Variants in PTPRD observed in about 807,000 individuals in gnomAD.
PTPRD encodes the protein protein tyrosine phosphatase receptor type D, also known as receptor-type tyrosine-protein phosphatase delta.
A neutral mutation model predicts 214.5 loss-of-function variants in PTPRD; 34 were observed. That is an observed-to-expected ratio of 0.16 (90% confidence interval 0.12 to 0.21). The LOEUF is 0.21. Ranked by LOEUF, PTPRD falls within the 10% of genes least tolerant of loss-of-function variation. The pLI, the probability that PTPRD is intolerant of heterozygous loss-of-function variation, is 1.00. For synonymous variants in PTPRD, 1,128 were observed against 845.7 expected, an observed-to-expected ratio of 1.33 and a Z score of -5.79; for missense variants, 2,545 against 2,398.7, an observed-to-expected ratio of 1.06 and a Z score of -1.27.
rs370845607 is a variant in PTPRD, at chr9:9,936,345, T to C, written c.-368+2162A>G. Reference sequence around the variant, plus strand: ...ACCTACTCATCTGACAAAGGGCTAATATCCAGAATCTACAATGAACTCAAA... The same window carrying C: ...ACCTACTCATCTGACAAAGGGCTAACATCCAGAATCTACAATGAACTCAAA... On this transcript the variant is annotated intron_variant, in intron 5 of 45. Transcript: ENST00000381196. Among the ~76,000 whole-genome samples the C allele has an allele frequency of 7.9e-5, 12 of 151,868 alleles. No individual in the cohort carries two copies. In the East Asian group the frequency reaches 9.8e-4, roughly 12 times the overall value.
Position 10,482,515 on chromosome 9 carries a change from A to G in PTPRD, c.-600+129883T>C, listed in dbSNP as rs2099107385. Among the ~76,000 whole-genome samples the G allele has an allele frequency of 4.0e-5, 5 of 126,538 alleles. No individual in the cohort carries two copies. The South Asian group carries it at 1.1e-3, about 27-fold the overall frequency. 83.0% of individuals were successfully genotyped at this position (126,538 alleles called of 152,430 possible). A position where few individuals can be genotyped will look rare whatever the true frequency, so the allele number is the denominator to read the frequency against. On this transcript the variant is annotated intron_variant, in intron 2 of 45. Transcript: ENST00000381196. ...TTTGCCAATGATATGATCTTATCTT[A>G]GAAAACCCTAAAAGACCCCTCCAAA... is the stretch of plus-strand genomic sequence containing the variant.
intron 11 of PTPRD, among the ~76,000 whole-genome samples, chr9:8,877,525 G>T (rs1052427987): frequency 6.6e-6 from 1 of 152,082 alleles, no homozygotes; most frequent in Non-Finnish European, 1.5e-5. Flanking sequence ...ATATTTTAGT[G>T]AGCATATTAT....
At chr9:9,281,841 T>G (rs1268637309) in intron 9 of PTPRD, among the ~76,000 whole-genome samples, 2 of 150,816 alleles carry the variant, frequency 1.3e-5, no homozygotes, top group Non-Finnish European at 3.0e-5. Context: ...AAAAAAAACT[T>G]GAAAGCAATC....
chr9:9,991,092 A>C (rs1381130761), intron 4 of PTPRD, among the ~76,000 whole-genome samples: 1 of 151,300 alleles, frequency 6.6e-6, no homozygotes, highest in Non-Finnish European at 1.5e-5. Context: ...CCACCACCAC[A>C]CTCGGCTAAT....
At chr9:8,593,001 A>T (rs1001303875) in intron 14 of PTPRD, among the ~76,000 whole-genome samples, 2 of 152,176 alleles carry the variant, frequency 1.3e-5, no homozygotes, top group East Asian at 3.9e-4. Context: ...GAAGCTCAGG[A>T]TGTTTTTATG....
chr9:9,378,354 G>T (rs2061349058), intron 9 of PTPRD, among the ~76,000 whole-genome samples: 1 of 151,942 alleles, frequency 6.6e-6, no homozygotes, highest in African/African-American at 2.4e-5. Context: ...TTCATAGCTT[G>T]ACAGATCATT....
intron 8 of PTPRD, among the ~76,000 whole-genome samples, chr9:9,409,138 A>T (rs181872475): frequency 1.6e-3 from 241 of 152,040 alleles, no homozygotes; most frequent in African/African-American, 5.5e-3. Flanking sequence ...TCTTATTTTA[A>T]TATAAAGACA....
At chr9:10,386,589 T>C (rs2097917639) in intron 2 of PTPRD, among the ~76,000 whole-genome samples, 1 of 151,300 alleles carries the variant, frequency 6.6e-6, no homozygotes, top group African/African-American at 2.4e-5. Context: ...ATTTAGGAGG[T>C]TGTAGACCAT....
At chr9:8,472,022 CCTACAGAG>C (rs1351066118) in intron 30 of PTPRD, among the ~76,000 whole-genome samples, 5 of 152,076 alleles carry the variant, frequency 3.3e-5, no homozygotes, top group African/African-American at 1.2e-4. Flanking sequence ...GTTTTGTCCT[CCTACAGAG>C]AAATTCTCTG....
Position 9,244,417 on chromosome 9 carries a change from T to C in PTPRD, c.-202-61054A>G, listed in dbSNP as rs535508790. ...CAAGTCTACAGTAACCAAAACACCA[T>C]GGTACTGGTACCAATACAGAGATAT... On this transcript the variant is annotated intron_variant, in intron 9 of 45. Transcript: ENST00000381196. Among the ~76,000 whole-genome samples the C allele has an allele frequency of 4.1e-3, 631 of 152,190 alleles. 2 individuals carry two copies. The highest frequency in any genetic ancestry group is 0.015 in the African/African-American group (605 of 41,520).
At chr9:9,621,184 A>G (rs568027182) in intron 7 of PTPRD, among the ~76,000 whole-genome samples, 61 of 152,336 alleles carry the variant, frequency 4.0e-4, no homozygotes, top group Admixed American at 7.8e-4. Flanking sequence ...CTTGGCAACA[A>G]GAAAGAATCT....
chr9:9,030,275 G>GTTT (rs1429207415), intron 10 of PTPRD, among the ~76,000 whole-genome samples: 1 of 68,992 alleles, frequency 1.4e-5, no homozygotes, highest in African/African-American at 7.7e-5. Context: ...CCACACTTGG[G>GTTT]CTTTTTTTTT....
chr9:10,394,274 G>A (rs2098129158), intron 2 of PTPRD, among the ~76,000 whole-genome samples: 1 of 147,144 alleles, frequency 6.8e-6, no homozygotes, highest in African/African-American at 2.5e-5. Flanking sequence ...TCTTATATAA[G>A]TAAAATTCTC....
At chr9:10,012,543 C>T (rs571925302) in intron 4 of PTPRD, among the ~76,000 whole-genome samples, 4 of 152,010 alleles carry the variant, frequency 2.6e-5, no homozygotes, top group African/African-American at 9.6e-5. Flanking sequence ...AAAATAATCA[C>T]ATACATTAGA....
At chr9:8,929,885 GTGTGTA>G (rs2098938097) in intron 11 of PTPRD, among the ~76,000 whole-genome samples, 4 of 57,306 alleles carry the variant, frequency 7.0e-5, no homozygotes, top group Non-Finnish European at 1.1e-4. Context: ...GTATATATGT[GTGTGTA>G]TATATATGTG....
At chr9:8,557,807 C>CAT (rs150466637) in intron 14 of PTPRD, among the ~76,000 whole-genome samples, 5 of 133,536 alleles carry the variant, frequency 3.7e-5, no homozygotes, top group African/African-American at 8.6e-5. Context: ...CACACACACA[C>CAT]ATATATACAC....
chr9:8,619,530 AAAG>A (rs1307463148), intron 14 of PTPRD, among the ~76,000 whole-genome samples: 2 of 152,096 alleles, frequency 1.3e-5, no homozygotes, highest in African/African-American at 4.8e-5. Context: ...TGCATTAAAA[AAAG>A]AAGTACCCTC....
intron 8 of PTPRD, among the ~76,000 whole-genome samples, chr9:9,474,619 A>G (rs113845902): frequency 1.1e-4 from 17 of 152,144 alleles, no homozygotes; most frequent in South Asian, 2.1e-4. Context: ...AATTTATTTC[A>G]TCAGTGTCCT....
chr9:8,901,945 A>G (rs1414869451), intron 11 of PTPRD, among the ~76,000 whole-genome samples: 1 of 152,202 alleles, frequency 6.6e-6, no homozygotes, highest in Non-Finnish European at 1.5e-5. Context: ...ACAATTCTGG[A>G]TAAATCTATT....
Sources: allele counts gnomAD v4.1 joint callset (sites outside exome capture counted in the v4.1 genomes callset), GRCh38; gene constraint gnomAD v4.1.1; transcripts MANE v1.5; gene names NCBI Gene and HGNC (gene_info 2026-07-23, HGNC 2026-07-21).